Variants in CFAP299 observed in about 807,000 individuals in gnomAD.
CFAP299 encodes the protein cilia and flagella associated protein 299, also known as cilia- and flagella-associated protein 299.
In CFAP299, 21 loss-of-function variants were observed where a neutral mutation model predicts 27.0. The observed-to-expected ratio is 0.78, with a 90% CI of 0.55 to 1.12. The LOEUF (loss-of-function observed/expected upper bound fraction) is 1.12. Among genes scored for constraint, CFAP299 ranks in the 50% most tolerant of loss-of-function variants. The pLI is 0.00. For synonymous variants in CFAP299, 104 were observed against 98.1 expected (o/e 1.06, Z -0.36); for missense variants, 310 against 276.6 (o/e 1.12, Z -0.86).
chr4:80,363,151 A>G (rs549313085), intron 2 of CFAP299, among the ~76,000 whole-genome samples: 14 of 152,352 alleles, frequency 9.2e-5, no homozygotes, highest in African/African-American at 3.4e-4. Flanking sequence ...AAGTAACTTG[A>G]TATTATTGGT....
chr4:80,553,425 T>G (rs562525364), intron 2 of CFAP299, among the ~76,000 whole-genome samples: 4 of 152,330 alleles, frequency 2.6e-5, no homozygotes, highest in African/African-American at 7.2e-5. Flanking sequence ...TTTAGGTTGA[T>G]TCTGTGTCTT....
rs184874830 is a variant in CFAP299 at position 80,812,632 on chromosome 4, A to C, written c.334-57361A>C. Among the ~76,000 whole-genome samples the C allele has an allele frequency of 2.6e-3, 397 of 152,276 alleles. 2 individuals carry two copies. Among genetic ancestry groups the C allele is most frequent in the African/African-American group, 9.3e-3 (386 of 41,576 alleles). The stretch of plus-strand genomic sequence containing the variant: ...TGAACTAATGTAGAACTTGCAGTCT[A>C]GTGCAGACAACCAAGGTGGTCAAAT... On this transcript the variant is annotated intron_variant, in intron 3 of 5. Coordinates refer to ENST00000358105, the MANE Select transcript of CFAP299 (RefSeq NM_152770.3).
chr4:80,589,598 T>G (rs1690085475), intron 3 of CFAP299, among the ~76,000 whole-genome samples: 1 of 152,118 alleles, frequency 6.6e-6, no homozygotes, highest in Non-Finnish European at 1.5e-5. Context: ...AAAAGAATTT[T>G]TACTAGTTAA....
chr4:80,856,992 G>C (rs900084569), intron 3 of CFAP299, among the ~76,000 whole-genome samples: 24 of 151,842 alleles, frequency 1.6e-4, no homozygotes, highest in Non-Finnish European at 3.2e-4. Flanking sequence ...AATTACCTTG[G>C]GCAGTATGGC....
At chr4:80,645,915 T>C (rs1160114992) in intron 3 of CFAP299, among the ~76,000 whole-genome samples, 1 of 152,208 alleles carries the variant, frequency 6.6e-6, no homozygotes, top group Non-Finnish European at 1.5e-5. Flanking sequence ...CAAATAATTT[T>C]TGTCTAAACA....
intron 2 of CFAP299, among the ~76,000 whole-genome samples, chr4:80,580,908 A>G (rs1196151806): frequency 6.6e-6 from 1 of 152,010 alleles, no homozygotes; most frequent in African/African-American, 2.4e-5. Context: ...CACAATAACA[A>G]AAGATGGTTC....
intron 4 of CFAP299, among the ~76,000 whole-genome samples, chr4:80,931,278 G>C (rs372776380): frequency 6.6e-6 from 1 of 152,012 alleles, no homozygotes; most frequent in Non-Finnish European, 1.5e-5. Flanking sequence ...CTGTAGGCCT[G>C]CAGGAAAAAT....
At chr4:80,509,874 T>TC (rs1732211416) in intron 2 of CFAP299, among the ~76,000 whole-genome samples, 2 of 151,146 alleles carry the variant, frequency 1.3e-5, no homozygotes, top group Admixed American at 6.6e-5. Context: ...TTTTTTTTTT[T>TC]CTGGCAGGTT....
chr4:80,463,685 G>A (rs754279903), intron 2 of CFAP299, among the ~76,000 whole-genome samples: 2 of 151,952 alleles, frequency 1.3e-5, no homozygotes, highest in Non-Finnish European at 2.9e-5. Context: ...TATCAGATTC[G>A]GGTCCCAACC....
At chr4:80,565,387 T>C (rs949936187) in intron 2 of CFAP299, among the ~76,000 whole-genome samples, 4 of 152,042 alleles carry the variant, frequency 2.6e-5, no homozygotes, top group African/African-American at 7.2e-5. Flanking sequence ...CAAACATGTA[T>C]AGAATGTTTG....
chr4:80,654,065 A>G (rs1740440832), intron 3 of CFAP299, among the ~76,000 whole-genome samples: 1 of 152,180 alleles, frequency 6.6e-6, no homozygotes, highest in Non-Finnish European at 1.5e-5. Context: ...TGGGTTATAC[A>G]GTTTGCTCAA....
chr4:80,659,211 G>A (rs1740710275), intron 3 of CFAP299, among the ~76,000 whole-genome samples: 1 of 151,758 alleles, frequency 6.6e-6, no homozygotes, highest in South Asian at 2.1e-4. Flanking sequence ...TATCCTATAA[G>A]AGTATACTTA....
chr4:80,772,302 A>T (rs1179600550), intron 3 of CFAP299, among the ~76,000 whole-genome samples: 3 of 152,168 alleles, frequency 2.0e-5, no homozygotes, highest in Non-Finnish European at 2.9e-5. Flanking sequence ...GTTGCCAGAC[A>T]ATAGTGTGGT....
intron 1 of CFAP299, among the ~76,000 whole-genome samples, chr4:80,356,089 A>G (rs1271782036): frequency 2.4e-5 from 3 of 124,678 alleles, no homozygotes; most frequent in African/African-American, 9.5e-5. Flanking sequence ...TTTGTTAAAT[A>G]GGGAATCCTT....
the CFAP299 span, among the ~76,000 whole-genome samples, chr4:80,322,301 A>G: frequency 1.3e-5 from 2 of 152,238 alleles, no homozygotes; most frequent in African/African-American, 4.8e-5. Context: ...AATCAGTGCA[A>G]CAAAACAGCA....
intron 1 of CFAP299, among the ~76,000 whole-genome samples, chr4:80,353,684 T>C (rs189236352): frequency 6.6e-6 from 1 of 152,282 alleles, no homozygotes; most frequent in African/African-American, 2.4e-5. Context: ...GTTGTGGGGC[T>C]TTCTCCCTGG....
At chr4:80,757,396 T>C (rs1452066950) in intron 3 of CFAP299, among the ~76,000 whole-genome samples, 1 of 152,190 alleles carries the variant, frequency 6.6e-6, no homozygotes, top group Non-Finnish European at 1.5e-5. Flanking sequence ...CAATTAAATT[T>C]ATAAGAAATT....
rs569393283 is a variant in CFAP299, at chr4:80,676,631, C to T, written c.333+93448C>T. 8.1e-4 allele frequency among the ~76,000 whole-genome samples: 123 copies of T among 151,964 alleles called. 1 individual carries two copies. The highest frequency in any genetic ancestry group is 2.8e-3 in the African/African-American group (115 of 41,456). ...TTTTATTATAGCTTCAATTTGATTA[C>T]TCATTATTGGTTTGTTGATGTTTTC... On this transcript the variant is annotated intron_variant, in intron 3 of 5. Coordinates refer to ENST00000358105, the MANE Select transcript of CFAP299 (RefSeq NM_152770.3).
At chr4:80,933,017 T>C (rs1335169914) in intron 4 of CFAP299, among the ~76,000 whole-genome samples, 1 of 152,096 alleles carries the variant, frequency 6.6e-6, no homozygotes, top group Non-Finnish European at 1.5e-5. Flanking sequence ...AAATTACATA[T>C]ATTTAAGGTA....
Sources: allele counts gnomAD v4.1 joint callset (sites outside exome capture counted in the v4.1 genomes callset), GRCh38; gene constraint gnomAD v4.1.1; transcripts MANE v1.5; gene names NCBI Gene and HGNC (gene_info 2026-07-23, HGNC 2026-07-21).